FSTL5: variants seen among roughly 807,000 people sequenced by gnomAD.
FSTL5 encodes follistatin like 5.
In FSTL5, 62 loss-of-function variants were observed where a neutral mutation model predicts 89.1. That is an observed-to-expected ratio of 0.70 (90% CI 0.57 to 0.86). The LOEUF is 0.86. FSTL5 is among the 40% of genes least tolerant of loss of function. The pLI is 0.00. For synonymous variants in FSTL5, 383 were observed against 346.2 expected (o/e 1.11, Z -1.18); for missense variants, 1,057 against 1,001.6 (o/e 1.06, Z -0.75).
chr4:161,602,989 T>C (rs1029603295), intron 7 of FSTL5, among the ~76,000 whole-genome samples: 23 of 152,182 alleles, frequency 1.5e-4, no homozygotes, highest in Admixed American at 9.8e-4. Context: ...CTTTTTGGTA[T>C]ATTTATAATT....
chr4:161,893,637 T>C (rs1733059276), intron 4 of FSTL5, among the ~76,000 whole-genome samples: 1 of 152,196 alleles, frequency 6.6e-6, no homozygotes. Flanking sequence ...CATCAGGTAA[T>C]TCAAAATGGT....
chr4:162,027,485 G>A (rs1357844427), intron 3 of FSTL5, among the ~76,000 whole-genome samples: 1 of 151,896 alleles, frequency 6.6e-6, no homozygotes, highest in Non-Finnish European at 1.5e-5. Flanking sequence ...TATATATAAT[G>A]GCTTTCAGAA....
At chr4:161,479,949 T>C (rs1729438826) in intron 13 of FSTL5, among the ~76,000 whole-genome samples, 2 of 152,068 alleles carry the variant, frequency 1.3e-5, no homozygotes, top group Admixed American at 6.6e-5. Flanking sequence ...AGTGAATGGA[T>C]GGATGGATGG....
chr4:162,138,185 A>G (rs957396349), intron 1 of FSTL5, among the ~76,000 whole-genome samples: 1 of 152,166 alleles, frequency 6.6e-6, no homozygotes, highest in East Asian at 1.9e-4. Context: ...TTGCTCTTCA[A>G]TGTACTAAGT....
intron 1 of FSTL5, among the ~76,000 whole-genome samples, chr4:162,160,124 G>A (rs753901843): frequency 7.9e-5 from 12 of 151,676 alleles, no homozygotes; most frequent in Non-Finnish European, 1.6e-4. Context: ...AAATATATAT[G>A]TACACACATA....
chr4:161,437,584 G>GAAAAAAAAAAAAAAAAAAAAAAAAAA (rs1732614326), intron 15 of FSTL5, among the ~76,000 whole-genome samples: 1 of 77,412 alleles, frequency 1.3e-5, no homozygotes, highest in Non-Finnish European at 2.5e-5. Flanking sequence ...AAAAAAAAAC[G>GAAAAAAAAAAAAAAAAAAAAAAAAAA]AGGTCAGAAA....
chr4:161,648,589 C>T (rs1481833755), intron 7 of FSTL5, among the ~76,000 whole-genome samples: 1 of 152,104 alleles, frequency 6.6e-6, no homozygotes, highest in Non-Finnish European at 1.5e-5. Flanking sequence ...AAAAATGGCA[C>T]CTAGTACACA....
At chr4:161,745,025 G>GA (rs946782150) in intron 6 of FSTL5, among the ~76,000 whole-genome samples, 22 of 136,394 alleles carry the variant, frequency 1.6e-4, no homozygotes, top group South Asian at 2.3e-4. Context: ...GTTTCCGGAG[G>GA]AAAAAAAAAA....
At chr4:161,405,338 T>C (rs571960199) in intron 15 of FSTL5, among the ~76,000 whole-genome samples, 37 of 151,162 alleles carry the variant, frequency 2.4e-4, no homozygotes, top group Middle Eastern at 3.5e-3. Context: ...GAGAATGATA[T>C]ATAAACAAAT....
In FSTL5 at chr4:161,401,683, C is replaced by T. The variant is rs553320672; in HGVS notation, c.1842-15234G>A. 5.9e-5 allele frequency among the ~76,000 whole-genome samples: 9 copies of T among 152,100 alleles called. No homozygotes were observed. In the South Asian group the frequency reaches 1.9e-3, roughly 32 times the overall value. On this transcript the variant is annotated intron_variant, in intron 15 of 15. Transcript: ENST00000306100. ...GGGACTACTGGAGACTGCCACCATGCCCGGCTAATTTTTTTTGTATTTTTT... is the reference window on the plus strand; with the variant it reads ...GGGACTACTGGAGACTGCCACCATGTCCGGCTAATTTTTTTTGTATTTTTT...
rs530626252 is a variant in FSTL5, at chr4:161,936,112, A to G, written c.161-15460T>C. On this transcript the variant is annotated intron_variant, in intron 3 of 15. Coordinates refer to ENST00000306100, the MANE Select transcript of FSTL5 (RefSeq NM_020116.5). ...TGAGATTCGCTTGAACCCAGGAGGCAGAGATTGCATTCAGCTGAGATCAAC... is the reference window on the plus strand; with the variant it reads ...TGAGATTCGCTTGAACCCAGGAGGCGGAGATTGCATTCAGCTGAGATCAAC... Among the ~76,000 whole-genome samples, 400 of 152,270 alleles carry G rather than the reference A, an allele frequency of 2.6e-3. 6 individuals carry two copies. In the South Asian group the frequency reaches 0.027, roughly 10 times the overall value.
chr4:161,951,681 T>A (rs1366098146), intron 3 of FSTL5, among the ~76,000 whole-genome samples: 1 of 152,144 alleles, frequency 6.6e-6, no homozygotes, highest in African/African-American at 2.4e-5. Context: ...TTACACATAT[T>A]ATACATAATT....
intron 4 of FSTL5, among the ~76,000 whole-genome samples, chr4:161,863,030 A>AT (rs35895735): frequency 1.4e-4 from 22 of 152,266 alleles, no homozygotes; most frequent in African/African-American, 5.3e-4. Flanking sequence ...TGGAAAGCCC[A>AT]TTTTTTGCAG....
At chr4:161,780,949 T>C (rs185043861) in intron 4 of FSTL5, among the ~76,000 whole-genome samples, 8 of 152,280 alleles carry the variant, frequency 5.3e-5, no homozygotes, top group Admixed American at 3.9e-4. Flanking sequence ...ATCAAAAGCA[T>C]AAAAGGAAAC....
chr4:161,835,325 C>T (rs1317646747), intron 4 of FSTL5, among the ~76,000 whole-genome samples: 2 of 152,024 alleles, frequency 1.3e-5, no homozygotes, highest in South Asian at 2.1e-4. Context: ...AAGACTTAAA[C>T]ATTAGACCTA....
chr4:161,834,450 A>G (rs1730963614), intron 4 of FSTL5, among the ~76,000 whole-genome samples: 1 of 152,192 alleles, frequency 6.6e-6, no homozygotes, highest in African/African-American at 2.4e-5. Flanking sequence ...AGTTCTGGCC[A>G]GGGCGATTAG....
intron 7 of FSTL5, among the ~76,000 whole-genome samples, chr4:161,633,407 C>T (rs551920279): frequency 2.6e-5 from 4 of 151,400 alleles, no homozygotes; most frequent in Admixed American, 1.3e-4. Context: ...AGTGCAGTGG[C>T]GCGATCGCGG....
At chr4:162,082,377 T>C (rs1278442998) in intron 2 of FSTL5, among the ~76,000 whole-genome samples, 1 of 151,726 alleles carries the variant, frequency 6.6e-6, no homozygotes, top group African/African-American at 2.4e-5. Flanking sequence ...TTGTTTAGGC[T>C]TAAAAGAAGA....
intron 8 of FSTL5, among the ~76,000 whole-genome samples, chr4:161,556,670 G>A (rs1732402878): frequency 1.3e-5 from 2 of 151,252 alleles, no homozygotes; most frequent in African/African-American, 4.8e-5. Context: ...CAGAGTAGAT[G>A]ATAAAAATTA....
Sources: allele counts gnomAD v4.1 joint callset (sites outside exome capture counted in the v4.1 genomes callset), GRCh38; gene constraint gnomAD v4.1.1; transcripts MANE v1.5; gene names NCBI Gene and HGNC (gene_info 2026-07-23, HGNC 2026-07-21).